CES1: variants seen among roughly 807,000 people sequenced by gnomAD.
The protein encoded by CES1 is liver carboxylesterase 1.
Under a neutral mutation model 53.0 loss-of-function variants are expected in CES1, and 50 were observed. The observed-to-expected ratio is 0.94, with a 90% confidence interval of 0.75 to 1.19. CES1 has a LOEUF of 1.19. Ranked by LOEUF, CES1 falls within the 50% of genes most tolerant of loss-of-function variation. The pLI is 0.00. For synonymous variants in CES1, 202 were observed against 210.1 expected (o/e 0.96, Z 0.33); for missense variants, 534 against 538.0 (o/e 0.99, Z 0.07).
intron 7 of CES1, among the ~76,000 whole-genome samples, chr16:55,818,634 C>A (rs1210949788): frequency 6.6e-5 from 10 of 151,792 alleles, no homozygotes; most frequent in African/African-American, 2.4e-4. Context: ...ACTCAACCTG[C>A]GAAGTATATG....
At chr16:55,820,724 C>A (rs1265794212) in intron 5 of CES1, among the ~76,000 whole-genome samples, 1 of 152,082 alleles carries the variant, frequency 6.6e-6, no homozygotes, top group African/African-American at 2.4e-5. Context: ...CCCAGCAGGA[C>A]CCCTCACACC....
At chr16:55,810,160 C>T (rs28423062) in intron 11 of CES1, among the ~76,000 whole-genome samples, 8,780 of 152,128 alleles carry the variant, frequency 0.058, 291 homozygotes, top group Middle Eastern at 0.13. Flanking sequence ...GCCCCTGAGC[C>T]CTGTATTCTT....
At chr16:55,826,833 G>A (rs1465508415) in intron 2 of CES1, among the ~76,000 whole-genome samples, 1 of 152,166 alleles carries the variant, frequency 6.6e-6, no homozygotes, top group Non-Finnish European at 1.5e-5. Flanking sequence ...GTGTTGCCCT[G>A]ATGAAAGATC....
chr16:55,821,513 T>A lies in CES1; in HGVS notation c.548A>T (p.Asp183Val). 1 of 1,614,136 alleles carries A rather than the reference T, an allele frequency of 6.2e-7. No homozygotes were observed. Among genetic ancestry groups the A allele is most frequent in the Non-Finnish European group, 8.5e-7 (1 of 1,180,016 alleles). Reference protein sequence around the residue: ...LGIWGFFSTGDEHSRGNWGHL... With the variant: ...LGIWGFFSTGVEHSRGNWGHL... ...ACCCCAGTTCCCCCGGCTGTGTTCA[T>A]CCCCTGTGCTGTGAGGAAGAGAACA... is the stretch of plus-strand genomic sequence containing the variant. Residue 183 changes from aspartate to valine, a missense_variant, in exon 5 of 14, where the codon GAT becomes GTT. Around this residue, in one of 5 missense-constraint regions of CES1, gnomAD observed 85 missense variants for 81.9 expected, o/e 1.04. Transcript: ENST00000360526.
chr16:55,830,100 T>A (rs2032579074), intron 1 of CES1, among the ~76,000 whole-genome samples: 1 of 152,158 alleles, frequency 6.6e-6, no homozygotes, highest in African/African-American at 2.4e-5. Flanking sequence ...CGTCAACACC[T>A]CCCTCAAAGT....
intron 1 of CES1, 69 bp from the exon 2 acceptor site, chr16:55,829,043 G>A: frequency 9.2e-7 from 1 of 1,092,780 alleles, no homozygotes; most frequent in Non-Finnish European, 1.3e-6. Context: ...GGTGGAGTTT[G>A]CCGCTTTCTA....
At chr16:55,812,441 A>G (rs1486273977) in intron 9 of CES1, 3 of 250,398 alleles carry the variant, frequency 1.2e-5, no homozygotes, top group Admixed American at 9.9e-5. Flanking sequence ...CTAGAAGTCA[A>G]TGGTAACTCA....
At chr16:55,810,813 G>A (rs2031655907) in intron 10 of CES1, 114 bp downstream of exon 10, 6 of 1,402,530 alleles carry the variant, frequency 4.3e-6, no homozygotes, top group Non-Finnish European at 5.0e-6. Flanking sequence ...GTGGAAAGAT[G>A]GGGGAAACCC....
intron 9 of CES1, among the ~76,000 whole-genome samples, chr16:55,811,317 A>G (rs1168564157): frequency 6.6e-6 from 1 of 151,928 alleles, no homozygotes; most frequent in Non-Finnish European, 1.5e-5. Flanking sequence ...GGATCCCTAC[A>G]GTGGTCAGTG....
At chr16:55,808,723 A>C (rs1204495758) in intron 11 of CES1, among the ~76,000 whole-genome samples, 1 of 152,200 alleles carries the variant, frequency 6.6e-6, no homozygotes, top group Non-Finnish European at 1.5e-5. Context: ...GCCAGGCTAA[A>C]CATCTAATAG....
intron 8 of CES1, among the ~76,000 whole-genome samples, chr16:55,813,769 C>T (rs865872323): frequency 3.7e-4 from 56 of 152,270 alleles, no homozygotes; most frequent in African/African-American, 1.2e-3. Flanking sequence ...CAGACAGCAG[C>T]GCTACTCTTG....
rs189410871 is a variant in CES1 at position 55,832,884 on chromosome 16, T to C, written c.52+120A>G. 106 of 962,276 alleles carry C rather than the reference T, an allele frequency of 1.1e-4. 1 individual carries two copies. The highest frequency in any genetic ancestry group is 1.6e-4 in the Non-Finnish European group (92 of 593,396). The allele number at this position is 962,276 out of a possible 1,614,324, so 59.6% of individuals were successfully genotyped here. ...CCAAGTCCAAGTCCTAATATGGAAG[T>C]CGTGCCCCGCCGCAGAGCCGGACCT... is the stretch of plus-strand genomic sequence containing the variant. On this transcript the variant is annotated intron_variant, in intron 1 of 13. Transcript: ENST00000360526.
intron 10 of CES1, 45 bp downstream of exon 10, chr16:55,810,882 C>T: frequency 6.4e-7 from 1 of 1,557,694 alleles, no homozygotes; most frequent in Admixed American, 1.7e-5. Context: ...AAGTCCTTGT[C>T]CCTCTCTGGG....
chr16:55,829,546 A>G (rs200660992), intron 1 of CES1, among the ~76,000 whole-genome samples: 1,360 of 123,240 alleles, frequency 0.011, 7 homozygotes, highest in African/African-American at 0.026. Flanking sequence ...TGAGAAGCAG[A>G]GAGTGGTACA....
chr16:55,820,963 C>G (rs1282586491), intron 5 of CES1, among the ~76,000 whole-genome samples: 10 of 152,202 alleles, frequency 6.6e-5, no homozygotes, highest in Admixed American at 6.5e-4. Context: ...ACAATGACCT[C>G]TGTCCACCTC....
chr16:55,819,563 T>C lies in CES1; in HGVS notation c.878A>G (p.Glu293Gly). The C allele has an allele frequency of 6.2e-7, 1 of 1,614,086 alleles. No individual in the cohort carries two copies. The highest frequency in any genetic ancestry group is 1.1e-5 in the South Asian group (1 of 91,084). ...TTTCAATGTCGTCTCCAAGAGCTCCTCTTCCGTCTTCTGTCGCAGGCAGTG... is the reference window on the plus strand; with the variant it reads ...TTTCAATGTCGTCTCCAAGAGCTCCCCTTCCGTCTTCTGTCGCAGGCAGTG... ...MVHCLRQKTE[E>G]ELLETTLKMK... The change falls in exon 7 of 14, where the codon GAG (glutamate) becomes GGG (glycine). Residue 293 changes from glutamate (E) to glycine (G), a missense_variant. Glu to Gly is a moderately conservative substitution (Grantham distance 98). Transcript: ENST00000360526.
Position 55,821,421 on chromosome 16 carries a change from C to G in CES1, c.640G>C (p.Gly214Arg), listed in dbSNP as rs1271175211. The G allele has an allele frequency of 2.5e-6, 4 of 1,614,220 alleles. No homozygotes were observed. The South Asian group carries it at 3.3e-5, about 13-fold the overall frequency. ...GACTCTCCAAAGATGGTCACAGAGC[C>G]TGGGTTCCCTCCAAAGCTGGCAATG... is the stretch of plus-strand genomic sequence containing the variant. ...DNIASFGGNP[G>R]SVTIFGESAG... Residue 214 changes from glycine (G) to arginine (R), a missense_variant, in exon 5 of 14, where the codon GGC becomes CGC. This residue lies in a region of CES1 where 85 missense variants were observed against 81.9 expected (regional missense o/e 1.04). Transcript: ENST00000360526.
chr16:55,828,667 A>G, intron 2 of CES1, 100 bp downstream of exon 2: 1 of 1,269,728 alleles, frequency 7.9e-7, no homozygotes, highest in Non-Finnish European at 1.1e-6. Context: ...AAAGATCTTA[A>G]GGAGTCCAGA....
In CES1 at chr16:55,821,493, A is replaced by T. The variant is rs2032195796; in HGVS notation, c.568T>A (p.Trp190Arg). 2 of 1,614,090 alleles carry T rather than the reference A, an allele frequency of 1.2e-6. No homozygotes were observed. The highest frequency in any genetic ancestry group is 1.7e-6 in the Non-Finnish European group (2 of 1,180,054). Residue 190 changes from tryptophan (W) to arginine (R), a missense_variant, in exon 5 of 14, where the codon TGG becomes AGG. By Grantham distance (101) the Trp-to-Arg change is moderately radical. Around this residue, in one of 5 missense-constraint regions of CES1, gnomAD observed 85 missense variants for 81.9 expected, o/e 1.04. Transcript: ENST00000360526. ...STGDEHSRGN[W>R]GHLDQVAALR... is the part of the protein sequence containing the mutation. ...GCAGCCACCTGGTCCAGGTGACCCC[A>T]GTTCCCCCGGCTGTGTTCATCCCCT...
Sources: allele counts gnomAD v4.1 joint callset (sites outside exome capture counted in the v4.1 genomes callset), GRCh38; gene constraint gnomAD v4.1.1; regional missense constraint gnomAD v4.1.1; transcripts MANE v1.5; gene names NCBI Gene and HGNC (gene_info 2026-07-23, HGNC 2026-07-21).